Variants in KLHL31 observed in about 807,000 individuals in gnomAD.
KLHL31 encodes the protein kelch like family member 31, also known as kelch-like protein 31.
KLHL31 carries 32 observed loss-of-function variants against 47.1 expected under a neutral mutation model. The ratio of observed to expected loss-of-function variants is 0.68; its 90% CI spans 0.51 to 0.91. The LOEUF (loss-of-function observed/expected upper bound fraction) is 0.91, where lower values mean the gene tolerates loss of function less well. Ranked by LOEUF, KLHL31 falls within the 40% of genes least tolerant of loss-of-function variation. The probability of loss-of-function intolerance (pLI) is 0.00; values close to 1 mark genes in which losing one functional copy is unlikely to be tolerated. For missense variants in KLHL31, 797 were observed against 819.3 expected (o/e 0.97, Z 0.33); for synonymous variants, 330 against 325.1 (o/e 1.01, Z -0.16).
intron 1 of KLHL31, among the ~76,000 whole-genome samples, chr6:53,665,253 CCTT>C (rs1764702640): frequency 1.3e-5 from 2 of 152,270 alleles, no homozygotes; most frequent in South Asian, 2.1e-4. Context: ...AATTTTCTCT[CCTT>C]CTCCTTCTCT....
chr6:53,651,701 GGTAGCTCGTC>G lies in KLHL31; in HGVS notation c.1792_1801del (p.Asp598ProfsTer18). On this transcript the variant is annotated frameshift_variant, in exon 3 of 3. Transcript: ENST00000370905. LOFTEE classifies it high-confidence loss of function. ...GCAGGACACGCCGACAGTGGCCTCG[GGTAGCTCGTC>G]GTCCTCCGTCCACTCGTTGAGCTCG... 1 of 1,614,184 alleles carries G rather than the reference GGTAGCTCGTC, an allele frequency of 6.2e-7. No homozygotes were observed. The highest frequency in any genetic ancestry group is 1.1e-5 in the South Asian group (1 of 91,082).
chr6:53,652,239 A>G lies in KLHL31; in HGVS notation c.1264T>C (p.Tyr422His). Residue 422 changes from tyrosine (Y) to histidine (H), a missense_variant, in exon 3 of 3, where the codon TAC (tyrosine) becomes CAC (histidine). By Grantham distance (83) the Tyr-to-His change is moderately conservative. Transcript: ENST00000370905. The stretch of plus-strand genomic sequence containing the variant: ...TCTGCGTTGCGGCCGCCCGCGGCGT[A>G]CACGAGCCCGTTGAACACGCTCAGG... Reference protein sequence around the residue: ...FSLSVFNGLVYAAGGRNAEGS... With the variant: ...FSLSVFNGLVHAAGGRNAEGS... The G allele has an allele frequency of 6.2e-7, 1 of 1,613,994 alleles. No individual in the cohort carries two copies. Among genetic ancestry groups the G allele is most frequent in the South Asian group, 1.1e-5 (1 of 91,088 alleles).
At chr6:53,663,312 T>C (rs771133156) in intron 1 of KLHL31, among the ~76,000 whole-genome samples, 24 of 152,356 alleles carry the variant, frequency 1.6e-4, no homozygotes, top group Non-Finnish European at 3.2e-4. Context: ...CATGAAATGG[T>C]TCGTTCTGGT....
intron 1 of KLHL31, among the ~76,000 whole-genome samples, chr6:53,658,478 C>A (rs1764602498): frequency 6.6e-6 from 1 of 152,156 alleles, no homozygotes; most frequent in Admixed American, 6.5e-5. Flanking sequence ...TATCTACTAA[C>A]CAGAATGGAT....
rs1013911782 is a variant in KLHL31, at chr6:53,649,581, G to A, written c.*2017C>T. On this transcript the variant is annotated 3_prime_UTR_variant, in exon 3 of 3. Transcript: ENST00000370905. ...TCTTCTCATTATTCCATCATGTAAT[G>A]TTGCAATTGATTGATTCTCATTTCA... The A allele has an allele frequency of 1.3e-5, 2 of 152,072 alleles. No individual in the cohort carries two copies. Among genetic ancestry groups the A allele is most frequent in the African/African-American group, 4.8e-5 (2 of 41,418 alleles). 9.4% of individuals were successfully genotyped at this position (152,072 alleles called of 1,614,324 possible).
intron 2 of KLHL31, among the ~76,000 whole-genome samples, chr6:53,653,766 T>C (rs548202699): frequency 6.6e-6 from 1 of 152,326 alleles, no homozygotes; most frequent in South Asian, 2.1e-4. Context: ...AGTCAGTGTA[T>C]TGTGAAGAGT....
chr6:53,656,597 G>A (rs572847834), intron 1 of KLHL31, among the ~76,000 whole-genome samples: 8 of 151,996 alleles, frequency 5.3e-5, no homozygotes, highest in African/African-American at 1.9e-4. Flanking sequence ...GATAAATGTG[G>A]CACTTAAAAA....
rs986527930 is a variant in KLHL31 at position 53,649,846 on chromosome 6, A to G, written c.*1752T>C. 5.3e-5 allele frequency: 8 copies of G among 152,212 alleles called. No individual in the cohort carries two copies. Among genetic ancestry groups the G allele is most frequent in the Non-Finnish European group, 1.0e-4 (7 of 68,010 alleles). The allele number at this position is 152,212 out of a possible 1,614,324, so 9.4% of individuals were successfully genotyped here. ...ATACCATATCCACATATACCAAGGT[A>G]AAAGATTCTTTGTGTGGGATAAGGA... On this transcript the variant is annotated 3_prime_UTR_variant, in exon 3 of 3. Coordinates refer to ENST00000370905, the MANE Select transcript of KLHL31 (RefSeq NM_001003760.5).
chr6:53,651,581 C>CCTGCATCTA lies in KLHL31; in HGVS notation c.*8_*16dup. On this transcript the variant is annotated 3_prime_UTR_variant, in exon 3 of 3. Transcript: ENST00000370905. ...ATAAATAACGTGTTCTTCCTGCGTC[C>CCTGCATCTA]CTGCATCTACCTGGGCTCAGATACT... The CCTGCATCTA allele has an allele frequency of 1.3e-6, 2 of 1,599,214 alleles. No homozygotes were observed. Among genetic ancestry groups the CCTGCATCTA allele is most frequent in the South Asian group, 2.2e-5 (2 of 90,326 alleles).
rs6928338 is a variant in KLHL31 at position 53,652,078 on chromosome 6, T to C, written c.1425A>G (p.Ile475Met). 6.3e-7 allele frequency: 1 copy of C among 1,597,650 alleles called. No individual in the cohort carries two copies. Among genetic ancestry groups the C allele is most frequent in the South Asian group, 1.1e-5 (1 of 90,616 alleles). The change falls in exon 3 of 3, where the codon ATA (isoleucine) becomes ATG (methionine). Residue 475 changes from isoleucine to methionine, a missense_variant. Transcript: ENST00000370905. ...DGRVLVTGGYIANAYSRSVCA... is the reference protein window; with the variant it reads ...DGRVLVTGGYMANAYSRSVCA... ...ACACAGAGCGCGAGTAGGCGTTGGC[T>C]ATGTAGCCTCCGGTCACCAGCACGC...
chr6:53,652,535 C>T, intron 2 of KLHL31: 3 of 616,078 alleles, frequency 4.9e-6, no homozygotes, highest in Non-Finnish European at 8.5e-6. Flanking sequence ...GCATTGACCA[C>T]CCCTCGCCCC....
chr6:53,654,262 C>T lies in KLHL31; in HGVS notation c.1011G>A (p.Leu337=), dbSNP rs549583500. 2 of 1,614,186 alleles carry T rather than the reference C, an allele frequency of 1.2e-6. No homozygotes were observed. The highest frequency in any genetic ancestry group is 1.7e-5 in the Admixed American group (1 of 60,016). ...LTEKSLSRDI[L]YRDPENGWSK... is the part of the protein sequence containing the mutation. ...TCCATCCATTTTCAGGGTCTCTATA[C>T]AAGATGTCTCTGCTAAGGGACTTCT... is the stretch of plus-strand genomic sequence containing the variant. The change falls in exon 2 of 3, where the codon TTG becomes TTA. Residue 337 remains leucine (L), a synonymous_variant. Coordinates refer to ENST00000370905, the MANE Select transcript of KLHL31 (RefSeq NM_001003760.5).
intron 1 of KLHL31, among the ~76,000 whole-genome samples, chr6:53,664,142 G>T (rs1181981867): frequency 6.6e-6 from 1 of 152,196 alleles, no homozygotes; most frequent in South Asian, 2.1e-4. Flanking sequence ...GTCTGGGTCT[G>T]AACAGCTAGA....
rs139251902 is a variant in KLHL31 at position 53,651,583 on chromosome 6, T to C, written c.*15A>G. ...AAATAACGTGTTCTTCCTGCGTCCCTGCATCTACCTGGGCTCAGATACTGA... is the reference window on the plus strand; with the variant it reads ...AAATAACGTGTTCTTCCTGCGTCCCCGCATCTACCTGGGCTCAGATACTGA... On this transcript the variant is annotated 3_prime_UTR_variant, in exon 3 of 3. Transcript: ENST00000370905. 2.3e-4 allele frequency: 362 copies of C among 1,600,314 alleles called. 2 individuals carry two copies. In the African/African-American group the frequency reaches 4.3e-3, roughly 19 times the overall value.
Position 53,652,136 on chromosome 6 carries a change from C to A in KLHL31, c.1367G>T (p.Arg456Leu), listed in dbSNP as rs751426893. The change falls in exon 3 of 3, where the codon CGC becomes CTC. Residue 456 changes from arginine (R) to leucine (L), a missense_variant. Arg to Leu is a moderately radical substitution (Grantham distance 102). Transcript: ENST00000370905. ...WQPKTPLEVA[R>L]CCHASAVADG... ...GGCGACCGCGCTAGCGTGGCAGCAG[C>A]GCGCCACCTCCAGGGGCGTCTTCGG... 3.7e-6 allele frequency: 6 copies of A among 1,602,408 alleles called. No individual in the cohort carries two copies. Among genetic ancestry groups the A allele is most frequent in the Non-Finnish European group, 5.1e-6 (6 of 1,178,314 alleles).
intron 1 of KLHL31, among the ~76,000 whole-genome samples, chr6:53,664,362 A>G (rs1199707400): frequency 6.6e-6 from 1 of 152,190 alleles, no homozygotes; most frequent in African/African-American, 2.4e-5. Context: ...TGAGTCCATG[A>G]GTCCTGCGGA....
chr6:53,665,393 CACGTT>C (rs1409183016), intron 1 of KLHL31, among the ~76,000 whole-genome samples: 1 of 152,176 alleles, frequency 6.6e-6, no homozygotes, highest in Non-Finnish European at 1.5e-5. Context: ...GTTCTCCTAA[CACGTT>C]ACATTTCTCA....
Position 53,652,250 on chromosome 6 carries a change from T to C in KLHL31, c.1253A>G (p.Asn418Ser), listed in dbSNP as rs777994767. 1.2e-6 allele frequency: 2 copies of C among 1,614,112 alleles called. No homozygotes were observed. Among genetic ancestry groups the C allele is most frequent in the East Asian group, 4.5e-5 (2 of 44,876 alleles). Residue 418 changes from asparagine (N) to serine (S), a missense_variant, in exon 3 of 3, where the codon AAC becomes AGC. By Grantham distance (46) the Asn-to-Ser change is conservative. Transcript: ENST00000370905. ...GCCGCCCGCGGCGTACACGAGCCCG[T>C]TGAACACGCTCAGGCTGAAGTGCGT... ...KRTHFSLSVFNGLVYAAGGRN... is the reference protein window; with the variant it reads ...KRTHFSLSVFSGLVYAAGGRN...
Position 53,654,945 on chromosome 6 carries a change from T to C in KLHL31, c.328A>G (p.Arg110Gly). The change falls in exon 2 of 3, where the codon AGG becomes GGG. Residue 110 changes from arginine (R) to glycine (G), a missense_variant. Transcript: ENST00000370905. ...NILKKDPSIQRVDLNDISPLG... is the reference protein window; with the variant it reads ...NILKKDPSIQGVDLNDISPLG... ...GGTGAGATATCATTGAGATCCACCC[T>C]CTGAATTGACGGGTCTTTTTTTAGG... 6.2e-7 allele frequency: 1 copy of C among 1,614,144 alleles called. No individual in the cohort carries two copies. The highest frequency in any genetic ancestry group is 1.3e-5 in the African/African-American group (1 of 75,050).
Sources: allele counts gnomAD v4.1 joint callset (sites outside exome capture counted in the v4.1 genomes callset), GRCh38; gene constraint gnomAD v4.1.1; transcripts MANE v1.5; gene names NCBI Gene and HGNC (gene_info 2026-07-23, HGNC 2026-07-21).